The following REL variants were observed in gnomAD, a reference collection of about 807,000 sequenced individuals.
REL encodes the protein REL proto-oncogene, NF-kB subunit.
Under a neutral mutation model 45.9 loss-of-function variants are expected in REL, and 15 were observed. That is an observed-to-expected ratio of 0.33 (90% CI 0.22 to 0.50). REL has a LOEUF of 0.50. Ranked by LOEUF, REL falls within the 20% of genes least tolerant of loss-of-function variation. The pLI, the probability that REL is intolerant of heterozygous loss-of-function variation, is 0.98. For synonymous variants in REL, 239 were observed against 242.1 expected, an observed-to-expected ratio of 0.99 and a Z score of 0.12; for missense variants, 601 against 715.2, an observed-to-expected ratio of 0.84 and a Z score of 1.82.
chr2:60,890,660 A>G (rs1263616726), intron 1 of REL, among the ~76,000 whole-genome samples: 5 of 152,200 alleles, frequency 3.3e-5, no homozygotes, highest in South Asian at 2.1e-4. Context: ...AGTTGCATAC[A>G]TTTTAAATAG....
intron 1 of REL, 121 bp from the exon 2 acceptor site, chr2:60,891,562 A>T: frequency 1.2e-6 from 1 of 865,346 alleles, no homozygotes; most frequent in Non-Finnish European, 1.7e-6. Flanking sequence ...CTTGTTATTT[A>T]ATGTTAGGAG....
chr2:60,904,730 AT>A (rs965967774), intron 4 of REL, among the ~76,000 whole-genome samples: 1 of 151,744 alleles, frequency 6.6e-6, no homozygotes, highest in African/African-American at 2.4e-5. Context: ...CTCTACAAAA[AT>A]TTTTTTTAAT....
chr2:60,887,081 G>C (rs370512063), intron 1 of REL, among the ~76,000 whole-genome samples: 87 of 152,036 alleles, frequency 5.7e-4, no homozygotes, highest in African/African-American at 1.9e-3. Flanking sequence ...CCTGATTTAT[G>C]TTTTACCCTC....
At chr2:60,908,494 T>C (rs1673722450) in intron 4 of REL, among the ~76,000 whole-genome samples, 1 of 152,178 alleles carries the variant, frequency 6.6e-6, no homozygotes, top group Non-Finnish European at 1.5e-5. Context: ...AAAGTCTAAA[T>C]TGGGTGAGGA....
At chr2:60,918,099 T>C in intron 5 of REL, 92 bp from the exon 6 acceptor site, 1 of 720,750 alleles carries the variant, frequency 1.4e-6, no homozygotes, top group Non-Finnish European at 2.3e-6. Context: ...ACTTTTATTC[T>C]GTGAATGCTT....
intron 2 of REL, among the ~76,000 whole-genome samples, chr2:60,892,754 T>TTTA (rs1673248612): frequency 2.6e-5 from 4 of 151,574 alleles, no homozygotes; most frequent in Admixed American, 6.6e-5. Context: ...TTATTTATTT[T>TTTA]TTTATTTTTT....
chr2:60,922,437 A>C lies in REL; in HGVS notation c.1666A>C (p.Ser556Arg), dbSNP rs563335129. ...ACCATCAAACAGTACTAATCCAAAC[A>C]GTCATGGTTTTGTTCAAGATAGTCA... ...SGPSNSTNPN[S>R]HGFVQDSQYS... Residue 556 changes from serine (S) to arginine (R), a missense_variant, in exon 10 of 10, where the codon AGT becomes CGT. By Grantham distance (110) the Ser-to-Arg change is moderately radical (BLOSUM62 -1). Coordinates refer to ENST00000394479, the MANE Select transcript of REL (RefSeq NM_001291746.2). The C allele has an allele frequency of 6.2e-7, 1 of 1,614,058 alleles. No homozygotes were observed. The highest frequency in any genetic ancestry group is 8.5e-7 in the Non-Finnish European group (1 of 1,180,000).
At chr2:60,884,386 ATAAGT>A (rs1673021424) in intron 1 of REL, among the ~76,000 whole-genome samples, 2 of 152,190 alleles carry the variant, frequency 1.3e-5, no homozygotes, top group South Asian at 4.1e-4. Flanking sequence ...TTTTGTTTAG[ATAAGT>A]TAGCAGATTA....
Position 60,927,943 on chromosome 2 carries a change from T to G in REL, c.*5408T>G, listed in dbSNP as rs557575607. 2.1e-4 allele frequency: 45 copies of G among 217,698 alleles called. No individual in the cohort carries two copies. Among genetic ancestry groups the G allele is most frequent in the African/African-American group, 9.2e-4 (41 of 44,478 alleles). 13.5% of individuals were successfully genotyped at this position (217,698 alleles called of 1,614,324 possible). A position where few individuals can be genotyped will look rare whatever the true frequency, so the allele number is the denominator to read the frequency against. On this transcript the variant is annotated 3_prime_UTR_variant, in exon 10 of 10. Coordinates refer to ENST00000394479, the MANE Select transcript of REL (RefSeq NM_001291746.2). Reference sequence around the variant, plus strand: ...ATAACTGGGCTTCTCACAACCATAGTGAACAGAAACAGCTGGGTTGTCAAC... The same window carrying G: ...ATAACTGGGCTTCTCACAACCATAGGGAACAGAAACAGCTGGGTTGTCAAC...
At chr2:60,909,004 G>A (rs1673733456) in intron 4 of REL, among the ~76,000 whole-genome samples, 1 of 152,110 alleles carries the variant, frequency 6.6e-6, no homozygotes, top group Non-Finnish European at 1.5e-5. Context: ...GTACTTCATT[G>A]TCCTTTCTTT....
chr2:60,913,068 A>G (rs1332883293), intron 4 of REL, among the ~76,000 whole-genome samples: 1 of 152,170 alleles, frequency 6.6e-6, no homozygotes, highest in Non-Finnish European at 1.5e-5. Flanking sequence ...AAAACTTTTG[A>G]TAAATTTGAT....
chr2:60,920,355 C>G (rs1274986787), intron 8 of REL: 3 of 618,224 alleles, frequency 4.9e-6, no homozygotes, highest in Non-Finnish European at 8.7e-6. Context: ...CATGTGCCAC[C>G]ACACCCGGCT....
At position 60,896,899 on chromosome 2, in the gene REL, A is replaced by G. The variant is rs566704890; in HGVS notation, c.302+2354A>G. ...AGGATCCCATTAAGGATTACACACT[A>G]TAGGTAACATTATATTTAACATGAA... On this transcript the variant is annotated intron_variant, in intron 3 of 9. Transcript: ENST00000394479. Among the ~76,000 whole-genome samples the G allele has an allele frequency of 2.6e-5, 4 of 152,324 alleles. No homozygotes were observed. In the East Asian group the frequency reaches 5.8e-4, roughly 22 times the overall value.
At chr2:60,901,845 T>C (rs1386982717) in intron 4 of REL, among the ~76,000 whole-genome samples, 1 of 152,174 alleles carries the variant, frequency 6.6e-6, no homozygotes, top group African/African-American at 2.4e-5. Context: ...TTTCATAGCA[T>C]ATTTGTGTAT....
intron 4 of REL, among the ~76,000 whole-genome samples, chr2:60,907,507 G>T (rs1354020563): frequency 6.6e-6 from 1 of 151,806 alleles, no homozygotes; most frequent in African/African-American, 2.4e-5. Flanking sequence ...ATGGGTGCGT[G>T]CTGCAAGTCC....
chr2:60,904,800 A>G (rs1673596865), intron 4 of REL, among the ~76,000 whole-genome samples: 1 of 152,060 alleles, frequency 6.6e-6, no homozygotes, highest in Non-Finnish European at 1.5e-5. Context: ...CGAGGTAGGA[A>G]AATTGCTTCA....
intron 4 of REL, among the ~76,000 whole-genome samples, chr2:60,910,128 A>C (rs1201518960): frequency 6.6e-6 from 1 of 152,026 alleles, no homozygotes; most frequent in Non-Finnish European, 1.5e-5. Context: ...TTTTAGGGTT[A>C]AAGGAGTGAT....
Position 60,922,483 on chromosome 2 carries a change from T to C in REL, c.1712T>C (p.Met571Thr), listed in dbSNP as rs1236406769. The C allele has an allele frequency of 6.2e-7, 1 of 1,612,180 alleles. No individual in the cohort carries two copies. The highest frequency in any genetic ancestry group is 8.5e-7 in the Non-Finnish European group (1 of 1,179,432). ...AGTCAGTATTCAGGTATTGGCAGTA[T>C]GCAAAATGAGCAATTGAGTGACTCC... ...QDSQYSGIGS[M>T]QNEQLSDSFP... Residue 571 changes from methionine to threonine, a missense_variant, in exon 10 of 10, where the codon ATG becomes ACG. Physicochemically the swap from Met to Thr is moderately conservative, Grantham distance 81. This residue lies in a region of REL where 334 missense variants were observed against 333.1 expected (regional missense o/e 1.00). Transcript: ENST00000394479.
In REL at chr2:60,891,761, G is replaced by C; in HGVS notation, c.89G>C (p.Arg30Pro). The stretch of plus-strand genomic sequence containing the variant: ...CGTTTTAGATACAAATGTGAAGGGC[G>C]ATCAGCAGGCAGCATTCCAGGGGAG... ...GMRFRYKCEG[R>P]SAGSIPGEHS... The change falls in exon 2 of 10, where the codon CGA (arginine) becomes CCA (proline). Residue 30 changes from arginine (R) to proline (P), a missense_variant. Physicochemically the swap from Arg to Pro is moderately radical, Grantham distance 103. Coordinates refer to ENST00000394479, the MANE Select transcript of REL (RefSeq NM_001291746.2). 1.2e-6 allele frequency: 2 copies of C among 1,614,002 alleles called. No homozygotes were observed. Among genetic ancestry groups the C allele is most frequent in the Non-Finnish European group, 1.7e-6 (2 of 1,179,942 alleles).
Sources: allele counts gnomAD v4.1 joint callset (sites outside exome capture counted in the v4.1 genomes callset), GRCh38; gene constraint gnomAD v4.1.1; regional missense constraint gnomAD v4.1.1; transcripts MANE v1.5; gene names NCBI Gene and HGNC (gene_info 2026-07-23, HGNC 2026-07-21).